The following RUNDC3B variants were observed in gnomAD, a reference collection of about 807,000 sequenced individuals.
RUNDC3B encodes the protein RUN domain-containing protein 3B.
A neutral mutation model predicts 58.4 loss-of-function variants in RUNDC3B; 33 were observed. That is an observed-to-expected ratio of 0.56 (90% CI 0.43 to 0.75). RUNDC3B has a LOEUF of 0.75. Ranked by LOEUF, RUNDC3B falls within the 30% of genes least tolerant of loss-of-function variation. The pLI is 0.00. For synonymous variants in RUNDC3B, 193 were observed against 195.2 expected (o/e 0.99, Z 0.10); for missense variants, 501 against 535.7 (o/e 0.94, Z 0.64).
intron 8 of RUNDC3B, among the ~76,000 whole-genome samples, chr7:87,786,427 A>C (rs1453866169): frequency 6.6e-6 from 1 of 151,384 alleles, no homozygotes; most frequent in Admixed American, 6.6e-5. Flanking sequence ...CTTTTTTTTT[A>C]ATGGTATTTT....
chr7:87,654,653 G>A (rs1823903819), intron 2 of RUNDC3B, among the ~76,000 whole-genome samples: 1 of 152,102 alleles, frequency 6.6e-6, no homozygotes, highest in Admixed American at 6.6e-5. Context: ...AAGGCTCCAT[G>A]ACATTGGTCT....
chr7:87,827,182 A>T (rs767778558), intron 10 of RUNDC3B, among the ~76,000 whole-genome samples: 6 of 152,200 alleles, frequency 3.9e-5, no homozygotes, highest in Non-Finnish European at 5.9e-5. Flanking sequence ...AATATGTAAC[A>T]GGCAAATAAA....
At chr7:87,663,292 A>T (rs1049596304) in intron 2 of RUNDC3B, among the ~76,000 whole-genome samples, 7 of 152,062 alleles carry the variant, frequency 4.6e-5, no homozygotes, top group African/African-American at 1.7e-4. Flanking sequence ...TTTTCTACTT[A>T]AGCATGATGA....
intron 6 of RUNDC3B, among the ~76,000 whole-genome samples, chr7:87,764,516 T>C (rs1169333007): frequency 2.0e-5 from 3 of 151,850 alleles, no homozygotes; most frequent in African/African-American, 7.2e-5. Flanking sequence ...TCTCAAATAG[T>C]GAACATTGTA....
chr7:87,803,293 G>T (rs1208379633), intron 8 of RUNDC3B, among the ~76,000 whole-genome samples: 1 of 152,100 alleles, frequency 6.6e-6, no homozygotes, highest in South Asian at 2.1e-4. Context: ...TTGCAGGAGA[G>T]CTAGACTCCA....
chr7:87,676,342 G>A (rs1826352281), intron 2 of RUNDC3B, among the ~76,000 whole-genome samples: 1 of 152,082 alleles, frequency 6.6e-6, no homozygotes, highest in South Asian at 2.1e-4. Context: ...ATCCAATAAG[G>A]TGTTAATATC....
At chr7:87,777,758 A>C (rs1489538151) in intron 7 of RUNDC3B, 40 bp from the exon 8 acceptor site, 1 of 1,581,802 alleles carries the variant, frequency 6.3e-7, no homozygotes. Context: ...ATGTATTAGA[A>C]TTTTGCAGTT....
At chr7:87,697,104 T>C (rs1828556197) in intron 2 of RUNDC3B, among the ~76,000 whole-genome samples, 1 of 152,166 alleles carries the variant, frequency 6.6e-6, no homozygotes, top group Non-Finnish European at 1.5e-5. Context: ...GCAAACCATG[T>C]CCTATGCCAA....
At chr7:87,810,647 C>A (rs1022218113) in intron 9 of RUNDC3B, among the ~76,000 whole-genome samples, 1 of 151,956 alleles carries the variant, frequency 6.6e-6, no homozygotes, top group African/African-American at 2.4e-5. Flanking sequence ...GAAATGGATC[C>A]CTCTCATAAT....
Position 87,739,828 on chromosome 7 carries a change from G to A in RUNDC3B, c.496G>A (p.Glu166Lys). Reference protein sequence around the residue: ...YEDGAIVLGEEANMLAGMLLG... With the variant: ...YEDGAIVLGEKANMLAGMLLG... ...AGATGGAGCAATTGTCTTGGGTGAAGAAGCAAATATGCTTGCTGGCATGCT... is the reference window on the plus strand; with the variant it reads ...AGATGGAGCAATTGTCTTGGGTGAAAAAGCAAATATGCTTGCTGGCATGCT... The change falls in exon 5 of 11, where the codon GAA (glutamate) becomes AAA (lysine). Residue 166 changes from glutamate (E) to lysine (K), a missense_variant. Glu to Lys is a moderately conservative substitution (Grantham distance 56). Transcript: ENST00000394654. 6.3e-7 allele frequency: 1 copy of A among 1,598,342 alleles called. No homozygotes were observed. The highest frequency in any genetic ancestry group is 8.6e-7 in the Non-Finnish European group (1 of 1,168,590).
At chr7:87,733,520 A>G (rs928655691) in intron 4 of RUNDC3B, among the ~76,000 whole-genome samples, 8 of 152,230 alleles carry the variant, frequency 5.3e-5, no homozygotes, top group Admixed American at 4.6e-4. Context: ...AAAAGATGAC[A>G]AACAGAATAG....
intron 6 of RUNDC3B, among the ~76,000 whole-genome samples, chr7:87,760,199 C>A (rs1364121628): frequency 6.6e-6 from 1 of 151,730 alleles, no homozygotes; most frequent in Admixed American, 6.6e-5. Flanking sequence ...AATACAGTAG[C>A]CATTAGCCAC....
intron 6 of RUNDC3B, among the ~76,000 whole-genome samples, chr7:87,765,009 C>A (rs1222224001): frequency 6.6e-6 from 1 of 151,586 alleles, no homozygotes; most frequent in African/African-American, 2.4e-5. Context: ...TTCAGGATTT[C>A]TGTTTCTTCC....
At chr7:87,725,021 A>G (rs975939702) in intron 4 of RUNDC3B, among the ~76,000 whole-genome samples, 10 of 152,178 alleles carry the variant, frequency 6.6e-5, no homozygotes, top group African/African-American at 2.4e-4. Flanking sequence ...CTTGCTAGTC[A>G]AAGCCATTTT....
rs977757392 is a variant in RUNDC3B, at chr7:87,778,013, C to T, written c.956+58C>T. The T allele has an allele frequency of 5.8e-5, 85 of 1,457,960 alleles. 1 individual carries two copies. Among genetic ancestry groups the T allele is most frequent in the Admixed American group, 3.8e-4 (18 of 46,988 alleles). 90.3% of individuals were successfully genotyped at this position (1,457,960 alleles called of 1,614,324 possible). ...GCATGTAAACATTAAGACAAAATGT[C>T]GTGTTTTGATACAGGAGGCAAATTC... is the stretch of plus-strand genomic sequence containing the variant. On this transcript the variant is annotated intron_variant, in intron 8 of 10. Transcript: ENST00000394654.
chr7:87,641,759 G>C (rs1822480868), intron 1 of RUNDC3B, among the ~76,000 whole-genome samples: 1 of 152,138 alleles, frequency 6.6e-6, no homozygotes, highest in Non-Finnish European at 1.5e-5. Flanking sequence ...ACATTTTGTT[G>C]TTTTAGCTAA....
intron 10 of RUNDC3B, among the ~76,000 whole-genome samples, chr7:87,825,691 G>A (rs776284988): frequency 7.2e-5 from 11 of 152,266 alleles, no homozygotes; most frequent in South Asian, 4.1e-4. Context: ...GAAGGCAGCC[G>A]GAAGCGAGGC....
At chr7:87,761,920 G>T (rs1833710258) in intron 6 of RUNDC3B, among the ~76,000 whole-genome samples, 1 of 151,672 alleles carries the variant, frequency 6.6e-6, no homozygotes, top group Admixed American at 6.6e-5. Flanking sequence ...AACAGTTTAT[G>T]AAACAGACAT....
At chr7:87,761,239 T>C (rs988809184) in intron 6 of RUNDC3B, among the ~76,000 whole-genome samples, 1 of 151,914 alleles carries the variant, frequency 6.6e-6, no homozygotes, top group Non-Finnish European at 1.5e-5. Flanking sequence ...TCAACATCAT[T>C]AGTCATTAGG....
Sources: gnomAD v4.1 joint callset for allele counts (sites outside exome capture counted in the v4.1 genomes callset) on GRCh38, gnomAD v4.1.1 for gene constraint, MANE v1.5 for transcripts, NCBI Gene and HGNC (gene_info 2026-07-23, HGNC 2026-07-21) for gene names.